The following SPEF2 variants were observed in gnomAD, a reference collection of about 807,000 sequenced individuals.
The protein encoded by SPEF2 is sperm flagellar and cilia associated 2.
Under a neutral mutation model 224.6 loss-of-function variants are expected in SPEF2, and 187 were observed. The ratio of observed to expected loss-of-function variants is 0.83; its 90% CI spans 0.74 to 0.94. The LOEUF (loss-of-function observed/expected upper bound fraction) is 0.94, where lower values mean the gene tolerates loss of function less well. SPEF2 is among the 40% of genes least tolerant of loss of function. The pLI is 0.00. For missense variants in SPEF2, 2,170 were observed against 2,135.6 expected, an observed-to-expected ratio of 1.02 and a Z score of -0.32; for synonymous variants, 715 against 707.3, an observed-to-expected ratio of 1.01 and a Z score of -0.17.
intron 27 of SPEF2, among the ~76,000 whole-genome samples, chr5:35,772,284 A>G (rs927194745): frequency 1.3e-4 from 20 of 152,148 alleles, no homozygotes; most frequent in African/African-American, 4.8e-4. Flanking sequence ...CCCCCTCTGA[A>G]GTGGAATCCT....
At chr5:35,688,924 A>T (rs1385501205) in intron 10 of SPEF2, among the ~76,000 whole-genome samples, 1 of 152,170 alleles carries the variant, frequency 6.6e-6, no homozygotes, top group African/African-American at 2.4e-5. Flanking sequence ...GATTTGTGCC[A>T]AATATTTCCA....
intron 23 of SPEF2, among the ~76,000 whole-genome samples, chr5:35,751,139 TA>T (rs1441451376): frequency 6.1e-5 from 7 of 115,140 alleles, no homozygotes; most frequent in Non-Finnish European, 8.9e-5. Flanking sequence ...TACTCAGCCA[TA>T]AAAAGGAATG....
intron 20 of SPEF2, among the ~76,000 whole-genome samples, chr5:35,723,073 C>T (rs1042077557): frequency 6.6e-6 from 1 of 151,898 alleles, no homozygotes; most frequent in Non-Finnish European, 1.5e-5. Context: ...AGTTTGAATC[C>T]CAGGTTCCAC....
intron 14 of SPEF2, among the ~76,000 whole-genome samples, chr5:35,696,273 G>C (rs1003934620): frequency 6.6e-6 from 1 of 152,090 alleles, no homozygotes; most frequent in African/African-American, 2.4e-5. Flanking sequence ...ACTAAATCAA[G>C]TGGAATTTTA....
intron 36 of SPEF2, among the ~76,000 whole-genome samples, chr5:35,808,912 C>T (rs1043029539): frequency 6.9e-6 from 1 of 144,194 alleles, no homozygotes. Context: ...AACAAGCTAG[C>T]AGCTGTTTAG....
At chr5:35,673,991 A>G (rs1228164490) in intron 10 of SPEF2, among the ~76,000 whole-genome samples, 2 of 152,168 alleles carry the variant, frequency 1.3e-5, no homozygotes, top group Non-Finnish European at 2.9e-5. Flanking sequence ...TTCCTGTCTC[A>G]TCTGAATTGT....
At chr5:35,702,460 G>A (rs1448437434) in intron 16 of SPEF2, 4 of 395,002 alleles carry the variant, frequency 1.0e-5, no homozygotes, top group South Asian at 5.5e-5. Context: ...GTCAGCCTGA[G>A]ACAGAACAGT....
intron 23 of SPEF2, among the ~76,000 whole-genome samples, chr5:35,748,263 C>G (rs1561300556): frequency 1.3e-5 from 2 of 151,828 alleles, no homozygotes; most frequent in South Asian, 4.2e-4. Flanking sequence ...AAGGTCACAC[C>G]TCAAGGAACT....
At chr5:35,695,599 A>G (rs975166571) in intron 13 of SPEF2, 136 bp from the exon 14 acceptor site, 2 of 594,614 alleles carry the variant, frequency 3.4e-6, no homozygotes, top group East Asian at 3.0e-5. Flanking sequence ...TGATTCTATT[A>G]CTTCCTTCCT....
In SPEF2 at chr5:35,779,216, C is replaced by G. The variant is rs1429773280; in HGVS notation, c.4317C>G (p.Gly1439=). 2 of 1,613,534 alleles carry G rather than the reference C, an allele frequency of 1.2e-6. No individual in the cohort carries two copies. The highest frequency in any genetic ancestry group is 2.7e-5 in the African/African-American group (2 of 74,982). The change falls in exon 30 of 37, where the codon GGC becomes GGG. Residue 1439 remains glycine, a synonymous_variant. Transcript: ENST00000356031. Reference sequence around the variant, plus strand: ...GCCAAGAAGACTTCTTCATTAATGGCAATATAAAAGTCTTCCCAGATCCTC... The same window carrying G: ...GCCAAGAAGACTTCTTCATTAATGGGAATATAAAAGTCTTCCCAGATCCTC... ...YLSQEDFFIN[G]NIKVFPDPPP...
chr5:35,793,759 C>CACACAT (rs1554059231), intron 32 of SPEF2, among the ~76,000 whole-genome samples: 2,607 of 141,842 alleles, frequency 0.018, 195 homozygotes, highest in East Asian at 0.044. Flanking sequence ...CACACACACA[C>CACACAT]ACACACACAG....
chr5:35,789,268 T>C, intron 30 of SPEF2: 1 of 703,286 alleles, frequency 1.4e-6, no homozygotes. Flanking sequence ...ATGTCATGAA[T>C]GTCCTTAGCA....
At position 35,780,055 on chromosome 5, in the gene SPEF2, A is replaced by G. The variant is rs150863717; in HGVS notation, c.4447+709A>G. Among the ~76,000 whole-genome samples the G allele has an allele frequency of 2.0e-5, 3 of 152,300 alleles. No homozygotes were observed. In the East Asian group the frequency reaches 5.8e-4, roughly 29 times the overall value. On this transcript the variant is annotated intron_variant, in intron 30 of 36. Transcript: ENST00000356031. ...ACTTTAAAGGTCTAGATACTGACTC[A>G]CAGAGGAGTTTAGCAGATTTTTTGC...
At chr5:35,664,364 AGAAG>A (rs903304967) in intron 8 of SPEF2, among the ~76,000 whole-genome samples, 37 of 151,448 alleles carry the variant, frequency 2.4e-4, no homozygotes, top group Admixed American at 9.2e-4. Context: ...AAGGAAGGAA[AGAAG>A]GAAGGAAGGA....
In SPEF2 at chr5:35,694,356, A is replaced by C; in HGVS notation, c.1968A>C (p.Thr656=). 1 of 1,611,488 alleles carries C rather than the reference A, an allele frequency of 6.2e-7. No individual in the cohort carries two copies. Among genetic ancestry groups the C allele is most frequent in the African/African-American group, 1.3e-5 (1 of 74,832 alleles). Residue 656 remains threonine (T), a synonymous_variant, in exon 13 of 37, where the codon ACA becomes ACC. Coordinates refer to ENST00000356031, the MANE Select transcript of SPEF2 (RefSeq NM_024867.4). ...TATTACCAGAAACAGAAGGTGAAAC[A>C]ATGCTTAGTAAGATCTCAAAACAAA... ...DEVLPETEGE[T]MLSANADKTP... is the part of the protein sequence containing the mutation.
At chr5:35,759,005 CAAAAAAAAAAA>C (rs57893412) in intron 24 of SPEF2, among the ~76,000 whole-genome samples, 1 of 51,354 alleles carries the variant, frequency 1.9e-5, no homozygotes, top group Non-Finnish European at 3.2e-5. Context: ...GACTCTGTCT[CAAAAAAAAAAA>C]AAAAAAAAAA....
At chr5:35,716,155 T>A (rs1344837974) in intron 20 of SPEF2, among the ~76,000 whole-genome samples, 1 of 151,932 alleles carries the variant, frequency 6.6e-6, no homozygotes. Flanking sequence ...GTCCAAACAT[T>A]TTTGAGAATC....
At chr5:35,794,170 A>G (rs1278975831) in intron 32 of SPEF2, among the ~76,000 whole-genome samples, 1 of 152,248 alleles carries the variant, frequency 6.6e-6, no homozygotes, top group African/African-American at 2.4e-5. Flanking sequence ...GTAAGACAAG[A>G]GTAAAAACAA....
chr5:35,798,311 C>T (rs1756958008), intron 33 of SPEF2, among the ~76,000 whole-genome samples: 1 of 152,162 alleles, frequency 6.6e-6, no homozygotes, highest in Non-Finnish European at 1.5e-5. Flanking sequence ...TTCATTTCAC[C>T]TCCTGCCATG....
Sources: allele counts gnomAD v4.1 joint callset (sites outside exome capture counted in the v4.1 genomes callset), GRCh38; gene constraint gnomAD v4.1.1; transcripts MANE v1.5; gene names NCBI Gene and HGNC (gene_info 2026-07-23, HGNC 2026-07-21).